GABBR2: variants seen among roughly 807,000 people sequenced by gnomAD.
GABBR2 encodes G-protein coupled receptor 51.
In GABBR2, 23 loss-of-function variants were observed where a neutral mutation model predicts 105.6. The ratio of observed to expected loss-of-function variants is 0.22; its 90% CI spans 0.16 to 0.31. GABBR2 has a LOEUF of 0.31. GABBR2 is among the 10% of genes least tolerant of loss of function. GABBR2 has a pLI of 1.00. For missense variants in GABBR2, 734 were observed against 1,245.5 expected (o/e 0.59, Z 6.18); for synonymous variants, 478 against 499.7 (o/e 0.96, Z 0.58).
chr9:98,444,296 G>C (rs538750006), intron 7 of GABBR2, among the ~76,000 whole-genome samples: 70 of 152,286 alleles, frequency 4.6e-4, no homozygotes, highest in African/African-American at 1.3e-3. Context: ...GATGAGTAGA[G>C]GGGGGCTGGG....
At position 98,461,066 on chromosome 9, in the gene GABBR2, G is replaced by A. The variant is rs550459430; in HGVS notation, c.1000-6849C>T. On this transcript the variant is annotated intron_variant, in intron 6 of 18. Transcript: ENST00000259455. ...GTCAATACATCTCTCAATATTAAAG[G>A]TAAAATAAATTTCAGACAGCCAGAC... Among the ~76,000 whole-genome samples, 78 of 152,156 alleles carry A rather than the reference G, an allele frequency of 5.1e-4. 1 individual carries two copies. The South Asian group carries it at 0.016, about 30-fold the overall frequency.
chr9:98,500,958 G>A (rs568321842), intron 3 of GABBR2, among the ~76,000 whole-genome samples: 140 of 152,276 alleles, frequency 9.2e-4, no homozygotes, highest in African/African-American at 3.1e-3. Context: ...TCTGATACAT[G>A]TTTAGAGAAC....
chr9:98,555,413 T>C (rs796654848), intron 2 of GABBR2, among the ~76,000 whole-genome samples: 3 of 152,352 alleles, frequency 2.0e-5, no homozygotes, highest in African/African-American at 7.2e-5. Context: ...TATGATTGTA[T>C]TGCTTGTCTA....
At chr9:98,423,866 C>T (rs1416963351) in intron 7 of GABBR2, among the ~76,000 whole-genome samples, 1 of 152,096 alleles carries the variant, frequency 6.6e-6, no homozygotes, top group Non-Finnish European at 1.5e-5. Flanking sequence ...ATAGGGGATC[C>T]TTTCCCCATT....
intron 7 of GABBR2, among the ~76,000 whole-genome samples, chr9:98,432,381 T>A (rs1825828170): frequency 6.6e-6 from 1 of 152,082 alleles, no homozygotes; most frequent in Non-Finnish European, 1.5e-5. Context: ...TTGAAGATGA[T>A]CGCTGTATAT....
intron 1 of GABBR2, among the ~76,000 whole-genome samples, chr9:98,663,630 T>C (rs911313215): frequency 7.3e-6 from 1 of 137,030 alleles, no homozygotes; most frequent in Non-Finnish European, 1.6e-5. Flanking sequence ...AAATGAATGA[T>C]CAGGAGGCTG....
chr9:98,329,189 C>G (rs1430467691), intron 13 of GABBR2, among the ~76,000 whole-genome samples: 1 of 152,182 alleles, frequency 6.6e-6, no homozygotes, highest in African/African-American at 2.4e-5. Context: ...CTGGTGTCTC[C>G]TCAGGTCATT....
intron 1 of GABBR2, among the ~76,000 whole-genome samples, chr9:98,604,392 G>T (rs1220228123): frequency 1.3e-5 from 2 of 152,136 alleles, no homozygotes; most frequent in African/African-American, 4.8e-5. Context: ...CAGTGTCTTG[G>T]TCTCTGCTCC....
intron 1 of GABBR2, among the ~76,000 whole-genome samples, chr9:98,664,533 A>G (rs1445653171): frequency 1.3e-5 from 2 of 152,244 alleles, no homozygotes; most frequent in African/African-American, 2.4e-5. Context: ...TTGCATTTAC[A>G]TAGAACTAAT....
intron 1 of GABBR2, among the ~76,000 whole-genome samples, chr9:98,707,684 C>A (rs1278807270): frequency 6.6e-6 from 1 of 152,258 alleles, no homozygotes; most frequent in Non-Finnish European, 1.5e-5. Context: ...GCCCGGCCAA[C>A]AGCAGCGGCG....
chr9:98,445,889 A>G lies in GABBR2; in HGVS notation c.1236+8092T>C, dbSNP rs186826200. 2.2e-3 allele frequency among the ~76,000 whole-genome samples: 337 copies of G among 152,326 alleles called. 3 individuals are homozygous for G. The highest frequency in any genetic ancestry group is 7.5e-3 in the African/African-American group (313 of 41,596). Reference sequence around the variant, plus strand: ...TGGGACACCATCAGCATCTGCTGCAATTAGCTTTTGTGTGTAATGCTGAGT... The same window carrying G: ...TGGGACACCATCAGCATCTGCTGCAGTTAGCTTTTGTGTGTAATGCTGAGT... On this transcript the variant is annotated intron_variant, in intron 7 of 18. Coordinates refer to ENST00000259455, the MANE Select transcript of GABBR2 (RefSeq NM_005458.8).
At chr9:98,625,387 C>T (rs1045845686) in intron 1 of GABBR2, among the ~76,000 whole-genome samples, 1 of 152,242 alleles carries the variant, frequency 6.6e-6, no homozygotes. Flanking sequence ...TGTCCTCATA[C>T]CCAGCGTGGC....
intron 6 of GABBR2, among the ~76,000 whole-genome samples, chr9:98,459,162 A>C (rs1826379911): frequency 6.6e-6 from 1 of 152,226 alleles, no homozygotes; most frequent in African/African-American, 2.4e-5. Flanking sequence ...CCCTTTTCTA[A>C]TGCATTCTCC....
At chr9:98,619,353 A>G (rs1162500816) in intron 1 of GABBR2, among the ~76,000 whole-genome samples, 1 of 152,184 alleles carries the variant, frequency 6.6e-6, no homozygotes, top group African/African-American at 2.4e-5. Flanking sequence ...ATAGTTTAAG[A>G]AGGGATAATT....
rs553850957 is a variant in GABBR2 at position 98,541,903 on chromosome 9, C to A, written c.600G>T (p.Thr200=). ...LKHYQWKRVG[T]LTQDVQRFSE... ...AGAACCTCTGAACGTCTTGCGTCAG[C>A]GTGCCCACGCGCTTCCACTGGTAGT... The change falls in exon 3 of 19, where the codon ACG becomes ACT. Residue 200 remains threonine, a synonymous_variant. Coordinates refer to ENST00000259455, the MANE Select transcript of GABBR2 (RefSeq NM_005458.8). The A allele has an allele frequency of 6.2e-7, 1 of 1,614,192 alleles. No individual in the cohort carries two copies. Among genetic ancestry groups the A allele is most frequent in the South Asian group, 1.1e-5 (1 of 91,082 alleles).
chr9:98,430,272 GA>G (rs1214494203), intron 7 of GABBR2, among the ~76,000 whole-genome samples: 2 of 136,368 alleles, frequency 1.5e-5, no homozygotes, highest in Non-Finnish European at 3.0e-5. Context: ...CCTGGCGACA[GA>G]GCGAGACTCC....
chr9:98,338,780 G>A (rs1288927885), intron 13 of GABBR2, among the ~76,000 whole-genome samples: 1 of 152,082 alleles, frequency 6.6e-6, no homozygotes, highest in Non-Finnish European at 1.5e-5. Flanking sequence ...CCACTCCCAG[G>A]TATATATCCA....
chr9:98,452,742 ATAT>A (rs1187739262), intron 7 of GABBR2, among the ~76,000 whole-genome samples: 2 of 152,218 alleles, frequency 1.3e-5, no homozygotes, highest in Non-Finnish European at 2.9e-5. Context: ...TGCAAGATTT[ATAT>A]TATTATCCCC....
chr9:98,351,643 C>T (rs1263162612), intron 13 of GABBR2, among the ~76,000 whole-genome samples: 1 of 152,150 alleles, frequency 6.6e-6, no homozygotes, highest in Non-Finnish European at 1.5e-5. Flanking sequence ...TTGAATTCTT[C>T]AGTTCTAGGA....
Sources: allele counts gnomAD v4.1 joint callset (sites outside exome capture counted in the v4.1 genomes callset), GRCh38; gene constraint gnomAD v4.1.1; transcripts MANE v1.5; gene names NCBI Gene and HGNC (gene_info 2026-07-23, HGNC 2026-07-21).